Variants in DIAPH2 observed in about 807,000 individuals in gnomAD.
The protein encoded by DIAPH2 is diaphanous related formin 2.
Under a neutral mutation model 92.7 loss-of-function variants are expected in DIAPH2, and 35 were observed. The ratio of observed to expected loss-of-function variants is 0.38; its 90% CI spans 0.29 to 0.50. The LOEUF is 0.50. Ranked by LOEUF, DIAPH2 falls within the 20% of genes least tolerant of loss-of-function variation. DIAPH2 has a pLI of 0.94. For synonymous variants in DIAPH2, 301 were observed against 280.4 expected (o/e 1.07, Z -0.73); for missense variants, 701 against 819.5 (o/e 0.86, Z 1.77).
chrX:97,323,903 C>CAAA lies in DIAPH2; in HGVS notation c.2845-24193_2845-24191dup, dbSNP rs1052365967. 1.3e-3 allele frequency among the ~76,000 whole-genome samples: 49 copies of CAAA among 38,997 alleles called. 1 individual carries two copies. Among genetic ancestry groups the CAAA allele is most frequent in the Non-Finnish European group, 2.0e-3 (40 of 20,069 alleles). 33.9% of individuals were successfully genotyped at this position (38,997 alleles called of 115,157 possible). A position where few individuals can be genotyped will look rare whatever the true frequency, so the allele number is the denominator to read the frequency against. ...GGGCAACAGGAGCGAAACTCTGTCT[C>CAAA]AAAAAAAAAAAAAAAAAAAAAATAA... is the stretch of plus-strand genomic sequence containing the variant. On this transcript the variant is annotated intron_variant, in intron 23 of 26. Transcript: ENST00000324765.
chrX:97,144,947 A>G (rs1235919911), intron 22 of DIAPH2, among the ~76,000 whole-genome samples: 3 of 110,746 alleles, frequency 2.7e-5, no homozygotes, highest in Non-Finnish European at 5.7e-5. Flanking sequence ...GTACTTTTTT[A>G]GTACAGATGG....
At chrX:96,699,939 G>A (rs767784836) in intron 1 of DIAPH2, among the ~76,000 whole-genome samples, 3 of 112,132 alleles carry the variant, frequency 2.7e-5, no homozygotes, top group East Asian at 2.8e-4. Flanking sequence ...TTTTCCATCT[G>A]TGGATTCTTT....
rs191757361 is a variant in DIAPH2 at position 97,604,992 on chromosome X, G to A, written c.*5675G>A. 3 of 112,110 alleles carry A rather than the reference G, an allele frequency of 2.7e-5. No homozygotes were observed. Among genetic ancestry groups the A allele is most frequent in the East Asian group, 2.8e-4 (1 of 3,590 alleles). 9.2% of individuals were successfully genotyped at this position (112,110 alleles called of 1,213,427 possible). ...CTTATTCAATAAAGTTAAGATATAC[G>A]TTAAATGTTGTGCTGCCTATGATAA... On this transcript the variant is annotated 3_prime_UTR_variant, in exon 27 of 27. Transcript: ENST00000324765.
chrX:97,146,645 A>G (rs1333271143), intron 22 of DIAPH2, among the ~76,000 whole-genome samples: 1 of 111,684 alleles, frequency 9.0e-6, no homozygotes, highest in Admixed American at 9.5e-5. Flanking sequence ...CATGGAAAAA[A>G]TCATCATAAT....
intron 22 of DIAPH2, among the ~76,000 whole-genome samples, chrX:97,153,458 G>T (rs926730916): frequency 9.1e-6 from 1 of 109,913 alleles, no homozygotes; most frequent in African/African-American, 3.3e-5. Flanking sequence ...GGTGGCAGGC[G>T]CCTGTAATCC....
intron 16 of DIAPH2, among the ~76,000 whole-genome samples, chrX:96,959,169 G>A (rs149207284): frequency 7.6e-4 from 85 of 111,127 alleles, no homozygotes; most frequent in African/African-American, 2.6e-3. Flanking sequence ...ATTATTGTAT[G>A]GTAATCCTAT....
intron 26 of DIAPH2, among the ~76,000 whole-genome samples, chrX:97,573,488 G>A (rs1384963200): frequency 9.0e-5 from 10 of 110,774 alleles, no homozygotes; most frequent in Non-Finnish European, 1.1e-4. Context: ...TCAAGCATTT[G>A]CCACCTGGAA....
intron 22 of DIAPH2, among the ~76,000 whole-genome samples, chrX:97,196,487 G>A (rs915818592): frequency 3.6e-5 from 4 of 111,372 alleles, no homozygotes; most frequent in Non-Finnish European, 7.5e-5. Context: ...AACTAATAAC[G>A]GGATTTGTCA....
chrX:97,095,098 C>CTTTTTTTTTTTTTTTTTTTT (rs61350837), intron 19 of DIAPH2, among the ~76,000 whole-genome samples: 1 of 22,406 alleles, frequency 4.5e-5, no homozygotes, highest in Non-Finnish European at 9.0e-5. Context: ...GTTTCTTTTT[C>CTTTTTTTTTTTTTTTTTTTT]TTTTTTTTTT....
At chrX:96,965,560 C>G (rs755583638) in intron 17 of DIAPH2, among the ~76,000 whole-genome samples, 1 of 111,320 alleles carries the variant, frequency 9.0e-6, no homozygotes, top group East Asian at 2.8e-4. Context: ...TAAGAGAACA[C>G]TAAAGTCTCA....
At chrX:96,828,655 G>GTCTC (rs1433973838) in intron 4 of DIAPH2, among the ~76,000 whole-genome samples, 2 of 111,831 alleles carry the variant, frequency 1.8e-5, no homozygotes, top group Non-Finnish European at 1.9e-5. Context: ...GGATACTAGT[G>GTCTC]TCTCACAAAA....
intron 26 of DIAPH2, among the ~76,000 whole-genome samples, chrX:97,489,954 G>A (rs1215067713): frequency 2.7e-5 from 3 of 111,591 alleles, no homozygotes; most frequent in Admixed American, 1.9e-4. Flanking sequence ...AATGAGTTTC[G>A]AAGTCTACTC....
At chrX:96,825,358 T>C (rs7049373) in intron 4 of DIAPH2, among the ~76,000 whole-genome samples, 38,808 of 99,899 alleles carry the variant, frequency 0.39, 6,887 homozygotes, top group African/African-American at 0.68. Flanking sequence ...TGTTTTCTTT[T>C]TTTTTTTTTT....
At chrX:96,770,014 A>T (rs1360363446) in intron 4 of DIAPH2, among the ~76,000 whole-genome samples, 1 of 111,274 alleles carries the variant, frequency 9.0e-6, no homozygotes, top group Non-Finnish European at 1.9e-5. Context: ...CCTGGCCAAC[A>T]TGGTAAAACA....
chrX:96,796,628 G>C (rs58253399), intron 4 of DIAPH2, among the ~76,000 whole-genome samples: 1 of 110,583 alleles, frequency 9.0e-6, no homozygotes. Flanking sequence ...GGTTACTATA[G>C]AATTTATATT....
intron 26 of DIAPH2, among the ~76,000 whole-genome samples, chrX:97,522,303 T>A (rs1479344770): frequency 8.9e-6 from 1 of 112,051 alleles, no homozygotes; most frequent in Non-Finnish European, 1.9e-5. Context: ...GATTAGTATG[T>A]AGACTATCAG....
rs767239805 is a variant in DIAPH2, at chrX:96,768,702, G to A, written c.447+10444G>A. Among the ~76,000 whole-genome samples the A allele has an allele frequency of 3.6e-5, 4 of 111,466 alleles. No individual in the cohort carries two copies. In the South Asian group the frequency reaches 1.5e-3, roughly 43 times the overall value. ...CTAGGGAAGAGAGAACATCAAGTGC[G>A]AAGGCCTTGAGGCAGGAGTGTGCTT... On this transcript the variant is annotated intron_variant, in intron 4 of 26. Transcript: ENST00000324765.
chrX:97,599,173 C>T lies in DIAPH2; in HGVS notation c.3242-80C>T, dbSNP rs1031920105. Reference sequence around the variant, plus strand: ...GTGATTTTTCAGGACTATTTGAAAACCTTTCTCAACCTAACATCATGTAAT... The same window carrying T: ...GTGATTTTTCAGGACTATTTGAAAATCTTTCTCAACCTAACATCATGTAAT... On this transcript the variant is annotated intron_variant, in intron 26 of 26. Transcript: ENST00000324765. 4 of 667,653 alleles carry T rather than the reference C, an allele frequency of 6.0e-6. No individual in the cohort carries two copies. The African/African-American group carries it at 9.0e-5, about 15-fold the overall frequency. The allele number at this position is 667,653 out of a possible 1,213,427, so 55.0% of individuals were successfully genotyped here.
Position 97,429,843 on chromosome X carries a change from T to C in DIAPH2, c.3241+98T>C. 9 of 824,553 alleles carry C rather than the reference T, an allele frequency of 1.1e-5. No individual in the cohort carries two copies. The South Asian group carries it at 2.5e-4, about 23-fold the overall frequency. 68.0% of individuals were successfully genotyped at this position (824,553 alleles called of 1,213,427 possible). A position where few individuals can be genotyped will look rare whatever the true frequency, so the allele number is the denominator to read the frequency against. On this transcript the variant is annotated intron_variant, in intron 26 of 26. Coordinates refer to ENST00000324765, the MANE Select transcript of DIAPH2 (RefSeq NM_006729.5). ...AAAAAGGAAAAATAAAAATACTTCC[T>C]CATGAAGACTTTTTTTAACAGTTGA...
Sources: gnomAD v4.1 joint callset for allele counts (sites outside exome capture counted in the v4.1 genomes callset) on GRCh38, gnomAD v4.1.1 for gene constraint, MANE v1.5 for transcripts, NCBI Gene and HGNC (gene_info 2026-07-23, HGNC 2026-07-21) for gene names.